Variants in EBAG9 observed in about 807,000 individuals in gnomAD.
The protein encoded by EBAG9 is estrogen receptor binding site associated antigen 9.
EBAG9 carries 16 observed loss-of-function variants against 30.9 expected under a neutral mutation model. The ratio of observed to expected loss-of-function variants is 0.52; its 90% CI spans 0.35 to 0.79. The LOEUF (loss-of-function observed/expected upper bound fraction) is 0.79, where lower values mean the gene tolerates loss of function less well. Among genes scored for constraint, EBAG9 ranks in the 30% least tolerant of loss-of-function variants. EBAG9 has a pLI of 0.01. For synonymous variants in EBAG9, 93 were observed against 82.8 expected (o/e 1.12, Z -0.67); for missense variants, 197 against 242.1 (o/e 0.81, Z 1.24).
intron 2 of EBAG9, among the ~76,000 whole-genome samples, chr8:109,551,625 A>G (rs1419248889): frequency 6.6e-6 from 1 of 152,112 alleles, no homozygotes; most frequent in East Asian, 1.9e-4. Flanking sequence ...ATCCTGCAGT[A>G]TTTTTTTATG....
chr8:109,555,393 A>G (rs1043390665), intron 4 of EBAG9, among the ~76,000 whole-genome samples: 1 of 151,990 alleles, frequency 6.6e-6, no homozygotes, highest in Non-Finnish European at 1.5e-5. Context: ...GCATATTTCT[A>G]ATTATCAGTT....
chr8:109,554,012 T>C, intron 3 of EBAG9, 69 bp downstream of exon 3: 1 of 1,185,740 alleles, frequency 8.4e-7, no homozygotes, highest in Non-Finnish European at 1.2e-6. Flanking sequence ...CCTAGAACAA[T>C]ATTTTAAAAA....
At chr8:109,557,732 C>G (rs1445165215) in intron 5 of EBAG9, 1 of 455,638 alleles carries the variant, frequency 2.2e-6, no homozygotes, top group South Asian at 1.6e-5. Flanking sequence ...AGTTTGCAGA[C>G]AAGTCATTGG....
Position 109,557,062 on chromosome 8 carries a change from T to C in EBAG9, c.429+20T>C. On this transcript the variant is annotated intron_variant, in intron 5 of 6. Transcript: ENST00000337573. ...CAGTCTGTAAGTATGTTAATGGTTCTAGGGAAGGGTTTTGTTGTATTTCTG... is the reference window on the plus strand; with the variant it reads ...CAGTCTGTAAGTATGTTAATGGTTCCAGGGAAGGGTTTTGTTGTATTTCTG... 1 of 1,467,332 alleles carries C rather than the reference T, an allele frequency of 6.8e-7. No individual in the cohort carries two copies. The highest frequency in any genetic ancestry group is 9.4e-7 in the Non-Finnish European group (1 of 1,067,738). The allele number at this position is 1,467,332 out of a possible 1,614,324, so 90.9% of individuals were successfully genotyped here.
chr8:109,546,282 T>C (rs1398558319), intron 1 of EBAG9, among the ~76,000 whole-genome samples: 3 of 151,216 alleles, frequency 2.0e-5, no homozygotes, highest in Non-Finnish European at 4.4e-5. Flanking sequence ...TTTTAACAGC[T>C]CTTTTGAGCT....
chr8:109,558,103 A>C (rs1821637297), intron 5 of EBAG9, among the ~76,000 whole-genome samples: 1 of 152,234 alleles, frequency 6.6e-6, no homozygotes, highest in South Asian at 2.1e-4. Context: ...ATTTGTGGAC[A>C]TATTTTTAAA....
chr8:109,564,317 A>AT, intron 6 of EBAG9, 122 bp from the exon 7 acceptor site: 1 of 1,341,164 alleles, frequency 7.5e-7, no homozygotes, highest in Non-Finnish European at 1.0e-6. Flanking sequence ...TAGTGAGAAA[A>AT]TTTTAAGACT....
intron 6 of EBAG9, chr8:109,563,606 A>G: frequency 1.4e-6 from 2 of 1,470,418 alleles, no homozygotes; most frequent in African/African-American, 1.4e-5. Flanking sequence ...ACTTAAGTTC[A>G]GGGGGACATG....
In EBAG9 at chr8:109,565,615, T is replaced by C; in HGVS notation, c.*1056T>C. The C allele has an allele frequency of 6.6e-6, 1 of 152,048 alleles. No homozygotes were observed. The highest frequency in any genetic ancestry group is 1.9e-4 in the East Asian group (1 of 5,194). The allele number at this position is 152,048 out of a possible 1,614,324, so 9.4% of individuals were successfully genotyped here. ...TGGGTCTGTAGGGGAAAAGTAGACT[T>C]CATAGTTTAAAATCCCATTAACCTT... On this transcript the variant is annotated 3_prime_UTR_variant, in exon 7 of 7. Transcript: ENST00000337573.
At chr8:109,544,537 G>A (rs942963836) in intron 1 of EBAG9, among the ~76,000 whole-genome samples, 1 of 152,200 alleles carries the variant, frequency 6.6e-6, no homozygotes, top group Non-Finnish European at 1.5e-5. Context: ...TAAGAAGTTG[G>A]ATGACGTATT....
At chr8:109,564,015 A>G (rs145124659) in intron 6 of EBAG9, among the ~76,000 whole-genome samples, 48 of 152,190 alleles carry the variant, frequency 3.2e-4, no homozygotes, top group African/African-American at 9.9e-4. Flanking sequence ...AACTACTATA[A>G]TAACAGGAGA....
At chr8:109,551,438 G>A (rs565319434) in intron 2 of EBAG9, among the ~76,000 whole-genome samples, 105 of 152,150 alleles carry the variant, frequency 6.9e-4, no homozygotes, top group Non-Finnish European at 1.4e-3. Flanking sequence ...AGTTCCTTCT[G>A]TTTTGTCACA....
intron 5 of EBAG9, among the ~76,000 whole-genome samples, chr8:109,559,457 CAAACA>C (rs1371874329): frequency 6.6e-6 from 1 of 151,974 alleles, no homozygotes; most frequent in Non-Finnish European, 1.5e-5. Flanking sequence ...GACCTTGTCT[CAAACA>C]AAACAAAGTA....
chr8:109,543,808 A>C (rs1444390086), intron 1 of EBAG9, among the ~76,000 whole-genome samples: 1 of 152,138 alleles, frequency 6.6e-6, no homozygotes, highest in Non-Finnish European at 1.5e-5. Context: ...AGGCAGGCAG[A>C]TCACTTGAGG....
intron 5 of EBAG9, chr8:109,558,007 C>T (rs1242033474): frequency 6.0e-6 from 1 of 167,054 alleles, no homozygotes; most frequent in African/African-American, 2.4e-5. Flanking sequence ...AAGTGATACA[C>T]TGTCACTTCC....
rs984684096 is a variant in EBAG9 at position 109,565,226 on chromosome 8, G to T, written c.*667G>T. 1 of 152,470 alleles carries T rather than the reference G, an allele frequency of 6.6e-6. No individual in the cohort carries two copies. The highest frequency in any genetic ancestry group is 1.5e-5 in the Non-Finnish European group (1 of 67,956). 9.4% of individuals were successfully genotyped at this position (152,470 alleles called of 1,614,324 possible). A position where few individuals can be genotyped will look rare whatever the true frequency, so the allele number is the denominator to read the frequency against. ...GTCATACATGTAATTTATATCACAT[G>T]TATAAACATTGAAAATCAACTAAAA... On this transcript the variant is annotated 3_prime_UTR_variant, in exon 7 of 7. Transcript: ENST00000337573.
rs745415478 is a variant in EBAG9 at position 109,565,235 on chromosome 8, T to C, written c.*676T>C. ...GTAATTTATATCACATGTATAAACA[T>C]TGAAAATCAACTAAAATGACATTTG... On this transcript the variant is annotated 3_prime_UTR_variant, in exon 7 of 7. Coordinates refer to ENST00000337573, the MANE Select transcript of EBAG9 (RefSeq NM_004215.5). 1.3e-5 allele frequency: 2 copies of C among 152,540 alleles called. No individual in the cohort carries two copies. Among genetic ancestry groups the C allele is most frequent in the East Asian group, 3.8e-4 (2 of 5,202 alleles). The allele number at this position is 152,540 out of a possible 1,614,324, so 9.4% of individuals were successfully genotyped here. A position where few individuals can be genotyped will look rare whatever the true frequency, so the allele number is the denominator to read the frequency against.
chr8:109,554,702 C>G (rs1821560803), intron 3 of EBAG9, 27 bp from the exon 4 acceptor site: 1 of 1,597,468 alleles, frequency 6.3e-7, no homozygotes, highest in Admixed American at 1.7e-5. Flanking sequence ...CCCTTTGTGG[C>G]TGATAATGTT....
intron 4 of EBAG9, 78 bp downstream of exon 4, chr8:109,554,965 A>G: frequency 3.6e-6 from 5 of 1,399,736 alleles, no homozygotes; most frequent in Non-Finnish European, 4.9e-6. Context: ...TACAATTCAC[A>G]TTTATTAGAA....
Sources: gnomAD v4.1 joint callset for allele counts (sites outside exome capture counted in the v4.1 genomes callset) on GRCh38, gnomAD v4.1.1 for gene constraint, MANE v1.5 for transcripts, NCBI Gene and HGNC (gene_info 2026-07-23, HGNC 2026-07-21) for gene names.